LIG1: variants seen among roughly 807,000 people sequenced by gnomAD.
LIG1 encodes DNA ligase 1.
In LIG1, 70 loss-of-function variants were observed where a neutral mutation model predicts 115.7. That is an observed-to-expected ratio of 0.60 (90% CI 0.50 to 0.74). LIG1 has a LOEUF of 0.74. Ranked by LOEUF, LIG1 falls within the 30% of genes least tolerant of loss-of-function variation. The pLI, the probability that LIG1 is intolerant of heterozygous loss-of-function variation, is 0.00. For synonymous variants in LIG1, 487 were observed against 495.3 expected, an observed-to-expected ratio of 0.98 and a Z score of 0.22; for missense variants, 1,115 against 1,225.6, an observed-to-expected ratio of 0.91 and a Z score of 1.35.
chr19:48,118,457 C>A (rs560341215), intron 25 of LIG1: 2 of 156,402 alleles, frequency 1.3e-5, no homozygotes. Context: ...GCTCCTCTTT[C>A]GCCTTCTGCC....
In LIG1 at chr19:48,165,533, CA is replaced by C; in HGVS notation, c.17+16del. 1 of 1,590,972 alleles carries C rather than the reference CA, an allele frequency of 6.3e-7. No homozygotes were observed. The highest frequency in any genetic ancestry group is 8.6e-7 in the Non-Finnish European group (1 of 1,158,704). On this transcript the variant is annotated intron_variant, in intron 2 of 27. Transcript: ENST00000263274. ...ACTTGGAGAAGGAAAGACTCAGGGG[CA>C]AGGGAGGGTGCTCACATGATACTTC...
At chr19:48,130,258 ACTGAACTGTGC>A (rs1017612682) in intron 19 of LIG1, among the ~76,000 whole-genome samples, 29 of 152,368 alleles carry the variant, frequency 1.9e-4, no homozygotes, top group Admixed American at 1.6e-3. Context: ...TAACACGTGC[ACTGAACTGTGC>A]CTCTCTCTGT....
At chr19:48,156,322 G>A (rs1225688290) in intron 5 of LIG1, among the ~76,000 whole-genome samples, 1 of 152,114 alleles carries the variant, frequency 6.6e-6, no homozygotes, top group African/African-American at 2.4e-5. Flanking sequence ...CCATGGCCCC[G>A]CGCTTGTGTT....
intron 21 of LIG1, among the ~76,000 whole-genome samples, chr19:48,125,620 G>A (rs2033613907): frequency 6.6e-6 from 1 of 152,194 alleles, no homozygotes; most frequent in Non-Finnish European, 1.5e-5. Flanking sequence ...CTGAAAAGAT[G>A]ATTGATCATC....
intron 10 of LIG1, 126 bp from the exon 11 acceptor site, chr19:48,143,725 TCC>T: frequency 9.5e-7 from 1 of 1,049,244 alleles, no homozygotes; most frequent in Non-Finnish European, 1.5e-6. Flanking sequence ...TGAGCTCACT[TCC>T]CAGGGCTGTC....
In LIG1 at chr19:48,127,355, TG is replaced by T; in HGVS notation, c.1933-8del. The T allele has an allele frequency of 1.2e-6, 2 of 1,612,460 alleles. No individual in the cohort carries two copies. On this transcript the variant is annotated splice_region_variant and splice_polypyrimidine_tract_variant and intron_variant, in intron 20 of 27. Transcript: ENST00000263274. Reference sequence around the variant, plus strand: ...TCTCAGACGCATCCACCTCCTGGGTTGGGGCACAACGGAGTTCGTGAGTGCA... The same window carrying T: ...TCTCAGACGCATCCACCTCCTGGGTTGGGCACAACGGAGTTCGTGAGTGCA...
chr19:48,165,096 TA>T (rs1044550241), intron 2 of LIG1, among the ~76,000 whole-genome samples: 2 of 152,126 alleles, frequency 1.3e-5, no homozygotes, highest in African/African-American at 4.8e-5. Context: ...CCGTCTCTAC[TA>T]AAAATACAAA....
At chr19:48,116,166 G>A (rs898685614) in intron 26 of LIG1, 20 of 586,438 alleles carry the variant, frequency 3.4e-5, no homozygotes, top group Admixed American at 1.7e-4. Flanking sequence ...CCTGTTGGCC[G>A]GGTGCGGTGG....
In LIG1 at chr19:48,133,009, T is replaced by C; in HGVS notation, c.1698A>G (p.Glu566=). 1.9e-6 allele frequency: 3 copies of C among 1,613,858 alleles called. No individual in the cohort carries two copies. The highest frequency in any genetic ancestry group is 2.5e-6 in the Non-Finnish European group (3 of 1,179,784). ...KRFEEAAFTC[E]YKYDGQRAQI... is the part of the protein sequence containing the mutation. ...GTGCCCTCTGCCCGTCATATTTGTA[T>C]TCGCAGGTGAAAGCTGCCTCCTCAA... Residue 566 remains glutamate, a synonymous_variant, in exon 18 of 28, where the codon GAA becomes GAG. Coordinates refer to ENST00000263274, the MANE Select transcript of LIG1 (RefSeq NM_000234.3).
At chr19:48,154,383 A>C (rs2035702807) in intron 5 of LIG1, 2 of 276,770 alleles carry the variant, frequency 7.2e-6, no homozygotes, top group Admixed American at 4.4e-5. Context: ...GCCCCAGGAG[A>C]GGCCCTCACC....
intron 4 of LIG1, among the ~76,000 whole-genome samples, chr19:48,160,015 C>A (rs1216205043): frequency 1.3e-5 from 2 of 152,208 alleles, no homozygotes; most frequent in African/African-American, 2.4e-5. Flanking sequence ...CCACACCCAG[C>A]CACTTGCTTT....
rs561137392 is a variant in LIG1, at chr19:48,142,442, C to CAAAAAAAAAA, written c.914+1091_914+1100dup. ...TGGGCAACAGAGCAAGACTCCATCT[C>CAAAAAAAAAA]AAAAAAAAAAAAAAACAGAGTGCTG... On this transcript the variant is annotated intron_variant, in intron 11 of 27. Coordinates refer to ENST00000263274, the MANE Select transcript of LIG1 (RefSeq NM_000234.3). 2.1e-3 allele frequency among the ~76,000 whole-genome samples: 155 copies of CAAAAAAAAAA among 75,562 alleles called. 11 individuals are homozygous for CAAAAAAAAAA. Among genetic ancestry groups the CAAAAAAAAAA allele is most frequent in the African/African-American group, 7.2e-3 (147 of 20,348 alleles). The allele number at this position is 75,562 out of a possible 152,430, so 49.6% of individuals were successfully genotyped here.
chr19:48,127,442 C>A, intron 20 of LIG1, 94 bp from the exon 21 acceptor site: 1 of 1,139,498 alleles, frequency 8.8e-7, no homozygotes, highest in Non-Finnish European at 1.3e-6. Flanking sequence ...GTCTCCCTCT[C>A]GCCCCACCTA....
At chr19:48,166,572 C>T (rs1174300867) in intron 1 of LIG1, among the ~76,000 whole-genome samples, 6 of 152,198 alleles carry the variant, frequency 3.9e-5, no homozygotes, top group African/African-American at 1.4e-4. Flanking sequence ...TACGTTACCC[C>T]TTCACAATAT....
chr19:48,133,745 G>A (rs753496367), intron 17 of LIG1, among the ~76,000 whole-genome samples: 60 of 152,126 alleles, frequency 3.9e-4, no homozygotes, highest in Non-Finnish European at 6.5e-4. Flanking sequence ...ACAGGCACAC[G>A]CCACCACGCC....
At chr19:48,133,220 C>A in intron 17 of LIG1, 123 bp from the exon 18 acceptor site, 1 of 726,098 alleles carries the variant, frequency 1.4e-6, no homozygotes, top group Non-Finnish European at 2.5e-6. Flanking sequence ...AGTCACGAAG[C>A]CTCCCACGTT....
In LIG1 at chr19:48,137,755, G is replaced by T; in HGVS notation, c.1088-67C>A. The T allele has an allele frequency of 1.3e-6, 2 of 1,571,814 alleles. No homozygotes were observed. The highest frequency in any genetic ancestry group is 8.6e-7 in the Non-Finnish European group (1 of 1,161,222). ...TGTGGCTGCGTGTCTCCCTTCTCTC[G>T]CGGCCTGGATGAATTTTCTCCAGCT... On this transcript the variant is annotated intron_variant, in intron 12 of 27. Transcript: ENST00000263274. The surrounding 1 kb of genome is among the most constrained non-coding windows in gnomAD (Gnocchi z 4.3).
At chr19:48,130,249 AAC>A (rs2033927239) in intron 19 of LIG1, among the ~76,000 whole-genome samples, 2 of 152,366 alleles carry the variant, frequency 1.3e-5, no homozygotes, top group South Asian at 4.1e-4. Flanking sequence ...GAGCTCCCCT[AAC>A]ACGTGCACTG....
rs143323664 is a variant in LIG1, at chr19:48,160,300, A to C, written c.243+1072T>G. ...GTGATATCTGAGCAAAGCATGGAAG[A>C]AAGCAGGGGACTGAGCCAGGCGTGT... On this transcript the variant is annotated intron_variant, in intron 4 of 27. Transcript: ENST00000263274. Among the ~76,000 whole-genome samples, 527 of 152,370 alleles carry C rather than the reference A, an allele frequency of 3.5e-3. 5 individuals carry two copies. Among genetic ancestry groups the C allele is most frequent in the Middle Eastern group, 0.01 (3 of 294 alleles).
Sources: gnomAD v4.1 joint callset for allele counts (sites outside exome capture counted in the v4.1 genomes callset) on GRCh38, gnomAD v4.1.1 for gene constraint, Gnocchi (gnomAD v3.1) non-coding constraint, MANE v1.5 for transcripts, NCBI Gene and HGNC (gene_info 2026-07-23, HGNC 2026-07-21) for gene names.